Variants in THEMIS observed in about 807,000 individuals in gnomAD.
The protein encoded by THEMIS is thymocyte selection associated.
Under a neutral mutation model 52.6 loss-of-function variants are expected in THEMIS, and 37 were observed. That is an observed-to-expected ratio of 0.70 (90% CI 0.54 to 0.93). The LOEUF (loss-of-function observed/expected upper bound fraction) is 0.93. THEMIS is among the 40% of genes least tolerant of loss of function. The pLI, the probability that THEMIS is intolerant of heterozygous loss-of-function variation, is 0.00. For synonymous variants in THEMIS, 292 were observed against 272.7 expected (o/e 1.07, Z -0.70); for missense variants, 808 against 763.1 (o/e 1.06, Z -0.69).
At chr6:127,857,704 C>T (rs1056860516) in intron 1 of THEMIS, among the ~76,000 whole-genome samples, 1 of 151,984 alleles carries the variant, frequency 6.6e-6, no homozygotes, top group Non-Finnish European at 1.5e-5. Context: ...GAATCTTAGA[C>T]CCCAGACCTA....
intron 1 of THEMIS, among the ~76,000 whole-genome samples, chr6:127,897,758 A>C (rs1048238047): frequency 1.3e-5 from 2 of 151,636 alleles, no homozygotes; most frequent in African/African-American, 2.4e-5. Flanking sequence ...GTACACACAC[A>C]ATATGACATA....
At chr6:127,734,488 T>A (rs1326320411) in intron 4 of THEMIS, among the ~76,000 whole-genome samples, 1 of 152,174 alleles carries the variant, frequency 6.6e-6, no homozygotes, top group Non-Finnish European at 1.5e-5. Flanking sequence ...TCTTGCTTTT[T>A]GTGTATTCTT....
At chr6:127,698,179 A>G in the THEMIS span, among the ~76,000 whole-genome samples, 3 of 152,182 alleles carry the variant, frequency 2.0e-5, no homozygotes, top group African/African-American at 4.8e-5. Context: ...GAAATTTTTA[A>G]TGATAGTCTT....
At chr6:127,774,292 G>A (rs1422271407) in intron 4 of THEMIS, among the ~76,000 whole-genome samples, 1 of 152,200 alleles carries the variant, frequency 6.6e-6, no homozygotes, top group Non-Finnish European at 1.5e-5. Flanking sequence ...TGCAAGCTCC[G>A]CCTCCCGGGT....
Position 127,828,416 on chromosome 6 carries a change from G to A in THEMIS, c.709+1060C>T, listed in dbSNP as rs527263292. On this transcript the variant is annotated intron_variant, in intron 3 of 5. Coordinates refer to ENST00000368248, the MANE Select transcript of THEMIS (RefSeq NM_001010923.3). ...AAACTCAAAACTACTTGAAAAGGTA[G>A]GCAAAAGAGTATCATCATTTTCTTT... is the stretch of plus-strand genomic sequence containing the variant. Among the ~76,000 whole-genome samples the A allele has an allele frequency of 3.3e-5, 5 of 152,182 alleles. No individual in the cohort carries two copies. The South Asian group carries it at 8.3e-4, about 25-fold the overall frequency.
At chr6:127,791,650 C>A (rs1777161614) in intron 4 of THEMIS, among the ~76,000 whole-genome samples, 1 of 152,160 alleles carries the variant, frequency 6.6e-6, no homozygotes, top group Admixed American at 6.5e-5. Flanking sequence ...ATCCTACCAC[C>A]ATTAACCTGC....
chr6:127,894,037 C>A (rs1780890878), intron 1 of THEMIS, among the ~76,000 whole-genome samples: 1 of 151,710 alleles, frequency 6.6e-6, no homozygotes, highest in African/African-American at 2.4e-5. Flanking sequence ...GCACATGGAA[C>A]AACTGAACCT....
At chr6:127,784,996 TATCTATC>T (rs1776884145) in intron 4 of THEMIS, among the ~76,000 whole-genome samples, 1 of 102,628 alleles carries the variant, frequency 9.7e-6, no homozygotes, top group Non-Finnish European at 2.3e-5. Flanking sequence ...TCTATCTATC[TATCTATC>T]TATTATCTAT....
intron 2 of THEMIS, among the ~76,000 whole-genome samples, chr6:127,845,765 GA>G (rs907632071): frequency 2.1e-4 from 32 of 151,230 alleles, no homozygotes; most frequent in Non-Finnish European, 4.3e-4. Flanking sequence ...GCAGTGATGG[GA>G]AAAAAAATAA....
chr6:127,732,383 G>A (rs1433154755), intron 4 of THEMIS, among the ~76,000 whole-genome samples: 1 of 152,006 alleles, frequency 6.6e-6, no homozygotes, highest in Non-Finnish European at 1.5e-5. Context: ...TTGCTTATAA[G>A]TACAATATTT....
chr6:127,698,769 G>T, the THEMIS span, among the ~76,000 whole-genome samples: 1 of 151,834 alleles, frequency 6.6e-6, no homozygotes, highest in African/African-American at 2.4e-5. Flanking sequence ...AAAATAGAAA[G>T]AAATTTCTCT....
At chr6:127,885,250 T>C (rs1028252063) in intron 1 of THEMIS, among the ~76,000 whole-genome samples, 1 of 152,162 alleles carries the variant, frequency 6.6e-6, no homozygotes, top group African/African-American at 2.4e-5. Context: ...AACCCCCTTT[T>C]GAGCTTTAAA....
At chr6:127,807,363 AAAAAAAGCTAAAATTGTATCTCACAGTC>A (rs771282883) in intron 4 of THEMIS, 38 of 260,292 alleles carry the variant, frequency 1.5e-4, no homozygotes, top group South Asian at 3.5e-4. Flanking sequence ...TCATTAAAAA[AAAAAAAGCTAAAATTGTATCTCACAGTC>A]AAAAAAGCTA....
At chr6:127,817,591 A>G (rs972178725) in intron 3 of THEMIS, among the ~76,000 whole-genome samples, 1 of 152,192 alleles carries the variant, frequency 6.6e-6, no homozygotes, top group Admixed American at 6.5e-5. Context: ...CCTAAAGAGA[A>G]GATTCAATAC....
chr6:127,817,664 C>T (rs375588686), intron 3 of THEMIS, among the ~76,000 whole-genome samples: 5 of 152,238 alleles, frequency 3.3e-5, no homozygotes, highest in Admixed American at 2.0e-4. Context: ...GAATTGAGGT[C>T]ACAGGGCAAA....
intron 2 of THEMIS, among the ~76,000 whole-genome samples, chr6:127,847,413 T>C (rs1779256375): frequency 6.6e-6 from 1 of 151,910 alleles, no homozygotes; most frequent in African/African-American, 2.4e-5. Context: ...AGCTCCCAGA[T>C]CTGATAAACA....
chr6:127,907,343 T>TTTTTTTTTTTTTTTG (rs1781299911), intron 1 of THEMIS, among the ~76,000 whole-genome samples: 1 of 86,944 alleles, frequency 1.2e-5, no homozygotes, highest in Non-Finnish European at 2.2e-5. Flanking sequence ...TCGGATTTTT[T>TTTTTTTTTTTTTTTG]TTTTTTTTTT....
At chr6:127,705,663 G>A (rs1322147438), downstream of THEMIS, among the ~76,000 whole-genome samples, 1 of 152,142 alleles carries the variant, frequency 6.6e-6, no homozygotes, top group Non-Finnish European at 1.5e-5. Context: ...CCGCCACAGA[G>A]GGGTCACAGA....
At chr6:127,908,423 C>G (rs1482250062) in intron 1 of THEMIS, among the ~76,000 whole-genome samples, 8 of 152,090 alleles carry the variant, frequency 5.3e-5, no homozygotes, top group African/African-American at 1.4e-4. Context: ...AGTAGATGAG[C>G]CTGCTCACCA....
Sources: allele counts gnomAD v4.1 joint callset (sites outside exome capture counted in the v4.1 genomes callset), GRCh38; gene constraint gnomAD v4.1.1; transcripts MANE v1.5; gene names NCBI Gene and HGNC (gene_info 2026-07-23, HGNC 2026-07-21).